Variants in PRAME observed in about 807,000 individuals in gnomAD.
PRAME encodes the protein melanoma antigen preferentially expressed in tumors.
PRAME carries 21 observed loss-of-function variants against 32.1 expected under a neutral mutation model. That is an observed-to-expected ratio of 0.65 (90% CI 0.46 to 0.94). The LOEUF is 0.94. Ranked by LOEUF, PRAME falls within the 40% of genes least tolerant of loss-of-function variation. The pLI, the probability that PRAME is intolerant of heterozygous loss-of-function variation, is 0.00. For missense variants in PRAME, 651 were observed against 622.3 expected (o/e 1.05, Z -0.49); for synonymous variants, 274 against 251.5 (o/e 1.09, Z -0.85).
At chr22:22,552,967 C>G (rs967596148) in intron 3 of PRAME, 2 of 470,180 alleles carry the variant, frequency 4.3e-6, no homozygotes, top group African/African-American at 4.0e-5. Context: ...AACGGAAGAG[C>G]CAAATCTAAT....
chr22:22,553,471 G>A (rs1376012723), intron 3 of PRAME, among the ~76,000 whole-genome samples: 1 of 151,904 alleles, frequency 6.6e-6, no homozygotes, highest in Non-Finnish European at 1.5e-5. Flanking sequence ...AAAGACTTTG[G>A]CCTGGATGGA....
In PRAME at chr22:22,548,079, G is replaced by C. The variant is rs1332256192; in HGVS notation, c.1518C>G (p.Phe506Leu). 1 of 1,609,548 alleles carries C rather than the reference G, an allele frequency of 6.2e-7. No homozygotes were observed. The highest frequency in any genetic ancestry group is 8.5e-7 in the Non-Finnish European group (1 of 1,177,078). Reference sequence around the variant, plus strand: ...TATGTGCACCCAGCTAATTAGGCATGAAACAGGGGCACAGGATGGGCTCCG... The same window carrying C: ...TATGTGCACCCAGCTAATTAGGCATCAAACAGGGGCACAGGATGGGCTCCG... ...YDPEPILCPC[F>L]MPN is the part of the protein sequence containing the mutation. Residue 506 changes from phenylalanine (F) to leucine (L), a missense_variant, in exon 6 of 6, where the codon TTC becomes TTG. Phe to Leu is a conservative substitution (Grantham distance 22). Coordinates refer to ENST00000405655, the MANE Select transcript of PRAME (RefSeq NM_206956.3).
chr22:22,550,079 C>T lies in PRAME; in HGVS notation c.600G>A (p.Lys200=), dbSNP rs2062477451. Residue 200 remains lysine, a synonymous_variant, in exon 5 of 6, where the codon AAG becomes AAA. Transcript: ENST00000405655. Reference sequence around the variant, plus strand: ...ACAGGCGTAGTACATTTTTCTTTCGCTTCACTTTCTCAATGAGGTAGGAGA... The same window carrying T: ...ACAGGCGTAGTACATTTTTCTTTCGTTTCACTTTCTCAATGAGGTAGGAGA... The part of the protein sequence containing the change: ...ELFSYLIEKV[K]RKKNVLRLCC... The T allele has an allele frequency of 6.2e-7, 1 of 1,613,920 alleles. No individual in the cohort carries two copies. Among genetic ancestry groups the T allele is most frequent in the Non-Finnish European group, 8.5e-7 (1 of 1,179,976 alleles).
chr22:22,557,212 T>A (rs549136016), intron 2 of PRAME: 179 of 261,336 alleles, frequency 6.8e-4, no homozygotes, highest in African/African-American at 6.7e-3. Context: ...CTAGGACGCC[T>A]ACGCCACTGC....
At position 22,548,368 on chromosome 22, in the gene PRAME, G is replaced by A; in HGVS notation, c.1229C>T (p.Thr410Ile). ...PSLSHCSQLT[T>I]LSFYGNSISI... ...GATGGAATTCCCGTAGAAGCTTAAG[G>A]TCGTAAGCTGGGAGCAGTGGCTCAG... The change falls in exon 6 of 6, where the codon ACC (threonine) becomes ATC (isoleucine). Residue 410 changes from threonine (T) to isoleucine (I), a missense_variant. By Grantham distance (89) the Thr-to-Ile change is moderately conservative (BLOSUM62 -1). Coordinates refer to ENST00000405655, the MANE Select transcript of PRAME (RefSeq NM_206956.3). 1 of 1,613,562 alleles carries A rather than the reference G, an allele frequency of 6.2e-7. No homozygotes were observed. Among genetic ancestry groups the A allele is most frequent in the Non-Finnish European group, 8.5e-7 (1 of 1,179,944 alleles).
Position 22,548,558 on chromosome 22 carries a change from T to G in PRAME, c.1039A>C (p.Ser347Arg). ...CTCAGGACACTTAGCTGACTGACGC[T>G]GGGACTCTGGGACAGATGCATCACA... ...GDVMHLSQSP[S>R]VSQLSVLSLS... is the part of the protein sequence containing the mutation. Residue 347 changes from serine to arginine, a missense_variant, in exon 6 of 6, where the codon AGC (serine) becomes CGC (arginine). Coordinates refer to ENST00000405655, the MANE Select transcript of PRAME (RefSeq NM_206956.3). The G allele has an allele frequency of 6.2e-7, 1 of 1,613,314 alleles. No individual in the cohort carries two copies. The highest frequency in any genetic ancestry group is 8.5e-7 in the Non-Finnish European group (1 of 1,179,926).
At position 22,547,728 on chromosome 22, in the gene PRAME, AAC is replaced by A. The variant is rs1045393010; in HGVS notation, c.*337_*338del. The A allele has an allele frequency of 1.8e-5, 5 of 285,178 alleles. No individual in the cohort carries two copies. The highest frequency in any genetic ancestry group is 9.5e-5 in the Admixed American group (2 of 21,016). 17.7% of individuals were successfully genotyped at this position (285,178 alleles called of 1,614,324 possible). On this transcript the variant is annotated 3_prime_UTR_variant, in exon 6 of 6. Coordinates refer to ENST00000405655, the MANE Select transcript of PRAME (RefSeq NM_206956.3). ...CTTCACATTGCTTCTCTTTATTTTCAACAGTTTCTTTACAACAGTCTACACAG... is the reference window on the plus strand; with the variant it reads ...CTTCACATTGCTTCTCTTTATTTTCAAGTTTCTTTACAACAGTCTACACAG...
At chr22:22,555,957 T>C (rs1295618262) in intron 3 of PRAME, 2 of 461,704 alleles carry the variant, frequency 4.3e-6, no homozygotes, top group South Asian at 3.1e-5. Context: ...CTGAATGTAA[T>C]CGTGGCTTTG....
At chr22:22,555,895 T>G in intron 3 of PRAME, 1 of 470,922 alleles carries the variant, frequency 2.1e-6, no homozygotes, top group Non-Finnish European at 4.4e-6. Flanking sequence ...TCATACTCTC[T>G]GACACCACTG....
chr22:22,556,097 G>C (rs1415552116), intron 3 of PRAME, among the ~76,000 whole-genome samples: 1 of 151,456 alleles, frequency 6.6e-6, no homozygotes, highest in African/African-American at 2.4e-5. Flanking sequence ...GGGTTCAAGC[G>C]ATTCTCCTGC....
chr22:22,550,055 C>A lies in PRAME; in HGVS notation c.624G>T (p.Leu208=), dbSNP rs746805314. The A allele has an allele frequency of 6.2e-7, 1 of 1,613,800 alleles. No individual in the cohort carries two copies. The change falls in exon 5 of 6, where the codon CTG becomes CTT. Residue 208 remains leucine (L), a synonymous_variant. Coordinates refer to ENST00000405655, the MANE Select transcript of PRAME (RefSeq NM_206956.3). ...CAAAAATCTTCAGCTTCTTACAGCA[C>A]AGGCGTAGTACATTTTTCTTTCGCT... ...KVKRKKNVLR[L]CCKKLKIFAM... is the part of the protein sequence containing the mutation.
chr22:22,552,952 C>G, intron 3 of PRAME: 1 of 470,716 alleles, frequency 2.1e-6, no homozygotes, highest in South Asian at 1.5e-5. Flanking sequence ...CAACTCCACG[C>G]TGCCAACGGA....
At chr22:22,549,284 C>G (rs182356934) in intron 5 of PRAME, among the ~76,000 whole-genome samples, 2 of 151,942 alleles carry the variant, frequency 1.3e-5, no homozygotes, top group South Asian at 4.2e-4. Flanking sequence ...TCACCCTTTA[C>G]AGACAGGAAA....
chr22:22,551,343 C>T (rs1330584607), intron 3 of PRAME, among the ~76,000 whole-genome samples: 2 of 151,866 alleles, frequency 1.3e-5, no homozygotes, highest in Non-Finnish European at 2.9e-5. Context: ...CTTGTATCTA[C>T]CCACTACTCT....
At chr22:22,550,690 G>A (rs560317897) in intron 4 of PRAME, 77 bp downstream of exon 4, 100 of 1,447,830 alleles carry the variant, frequency 6.9e-5, no homozygotes, top group African/African-American at 1.4e-4. Flanking sequence ...AGCCTTAGGC[G>A]CTCCATGCTC....
chr22:22,558,748 G>C (rs2063152187), intron 1 of PRAME, among the ~76,000 whole-genome samples: 1 of 151,338 alleles, frequency 6.6e-6, no homozygotes, highest in African/African-American at 2.4e-5. Context: ...GTCCAAGTCT[G>C]GACTCTGTCC....
chr22:22,550,706 C>T (rs2062515130), intron 4 of PRAME, 61 bp downstream of exon 4: 1 of 1,497,244 alleles, frequency 6.7e-7, no homozygotes, highest in South Asian at 1.3e-5. Context: ...TGCTCCCTGA[C>T]CCCAGCTGCA....
At chr22:22,557,637 CG>C (rs1366288431) in intron 1 of PRAME, 57 bp from the exon 2 acceptor site, 11 of 58,958 alleles carry the variant, frequency 1.9e-4, no homozygotes, top group South Asian at 6.8e-4. Context: ...CTGCGTGGGG[CG>C]GGGGGGGCGG....
rs146769790 is a variant in PRAME, at chr22:22,552,264, T to A, written c.22-1175A>T. The stretch of plus-strand genomic sequence containing the variant: ...TAACCTTGTAGTTAAAATGGAATAT[T>A]TTTTAACCTTGTAGTTAAAAAAAAG... On this transcript the variant is annotated intron_variant, in intron 3 of 5. Coordinates refer to ENST00000405655, the MANE Select transcript of PRAME (RefSeq NM_206956.3). Among the ~76,000 whole-genome samples, 1,180 of 151,466 alleles carry A rather than the reference T, an allele frequency of 7.8e-3. 14 individuals are homozygous for A. Among genetic ancestry groups the A allele is most frequent in the African/African-American group, 0.028 (1,144 of 41,182 alleles).
Sources: gnomAD v4.1 joint callset for allele counts (sites outside exome capture counted in the v4.1 genomes callset) on GRCh38, gnomAD v4.1.1 for gene constraint, MANE v1.5 for transcripts, NCBI Gene and HGNC (gene_info 2026-07-23, HGNC 2026-07-21) for gene names.